SGCZ: variants seen among roughly 807,000 people sequenced by gnomAD.
SGCZ encodes the protein zeta-sarcoglycan.
In SGCZ, 40 loss-of-function variants were observed where a neutral mutation model predicts 41.3. The ratio of observed to expected loss-of-function variants is 0.97; its 90% CI spans 0.75 to 1.26. SGCZ has a LOEUF of 1.26. Ranked by LOEUF, SGCZ falls within the 50% of genes most tolerant of loss-of-function variation. SGCZ has a pLI of 0.00. For synonymous variants in SGCZ, 206 were observed against 137.5 expected (o/e 1.50, Z -3.49); for missense variants, 552 against 369.8 (o/e 1.49, Z -4.04).
chr8:14,620,075 C>T (rs1231436052), intron 1 of SGCZ, among the ~76,000 whole-genome samples: 2 of 152,296 alleles, frequency 1.3e-5, no homozygotes, highest in Non-Finnish European at 2.9e-5. Flanking sequence ...CAGCATGGTA[C>T]TGGTACCAAA....
At chr8:14,488,392 T>G (rs1461871) in intron 2 of SGCZ, among the ~76,000 whole-genome samples, 33,986 of 143,008 alleles carry the variant, frequency 0.24, 3,848 homozygotes, top group Admixed American at 0.29. Context: ...ACAATGGCCT[T>G]AACTCCCCTC....
chr8:14,743,064 C>T (rs914446481), intron 1 of SGCZ, among the ~76,000 whole-genome samples: 3 of 151,920 alleles, frequency 2.0e-5, no homozygotes, highest in Non-Finnish European at 4.4e-5. Flanking sequence ...TAAAAGACTG[C>T]GTGGATTTTC....
intron 1 of SGCZ, among the ~76,000 whole-genome samples, chr8:14,700,000 G>T (rs1365935307): frequency 6.6e-6 from 1 of 151,936 alleles, no homozygotes. Context: ...TTATAACATT[G>T]TTGGCAGAAA....
In SGCZ at chr8:14,291,606, A is replaced by C. The variant is rs903195780; in HGVS notation, c.336+32497T>G. Among the ~76,000 whole-genome samples, 3 of 152,140 alleles carry C rather than the reference A, an allele frequency of 2.0e-5. No homozygotes were observed. In the East Asian group the frequency reaches 5.8e-4, roughly 29 times the overall value. On this transcript the variant is annotated intron_variant, in intron 3 of 7. Transcript: ENST00000382080. ...CATTCTGGGTACTAGTTGTTTTACT[A>C]ATAAATTACATTAATATGTATTTTA... is the stretch of plus-strand genomic sequence containing the variant.
chr8:14,412,679 C>T (rs1435100995), intron 2 of SGCZ, among the ~76,000 whole-genome samples: 2 of 152,076 alleles, frequency 1.3e-5, no homozygotes, highest in East Asian at 3.9e-4. Context: ...GGAATTACAA[C>T]CAACCATGGT....
intron 1 of SGCZ, among the ~76,000 whole-genome samples, chr8:15,156,746 C>A (rs1046728584): frequency 6.6e-6 from 1 of 151,908 alleles, no homozygotes; most frequent in South Asian, 2.1e-4. Flanking sequence ...GAGTTCAAGA[C>A]CAGCCTGGCC....
intron 1 of SGCZ, among the ~76,000 whole-genome samples, chr8:15,144,809 G>T (rs900627211): frequency 6.6e-6 from 1 of 152,184 alleles, no homozygotes; most frequent in Non-Finnish European, 1.5e-5. Context: ...GCAGGGAAAA[G>T]CAGCAGTGCT....
chr8:14,723,324 C>G (rs1250616254), intron 1 of SGCZ, among the ~76,000 whole-genome samples: 1 of 152,140 alleles, frequency 6.6e-6, no homozygotes, highest in Non-Finnish European at 1.5e-5. Flanking sequence ...TGTTCCTGGC[C>G]CTGAAAAGCT....
chr8:14,780,659 C>A (rs1800561808), intron 1 of SGCZ, among the ~76,000 whole-genome samples: 1 of 151,996 alleles, frequency 6.6e-6, no homozygotes, highest in Non-Finnish European at 1.5e-5. Context: ...GATCATAAAA[C>A]CTCAACTAAA....
At chr8:14,395,699 A>G (rs547216567) in intron 2 of SGCZ, among the ~76,000 whole-genome samples, 1 of 152,282 alleles carries the variant, frequency 6.6e-6, no homozygotes, top group Non-Finnish European at 1.5e-5. Flanking sequence ...AAACTTCCTC[A>G]CATAACCTAG....
intron 2 of SGCZ, among the ~76,000 whole-genome samples, chr8:14,385,805 C>G (rs78305602): frequency 0.015 from 2,237 of 152,194 alleles, 57 homozygotes; most frequent in African/African-American, 0.05. Flanking sequence ...AATAACAAAT[C>G]GAATACACTC....
At chr8:14,399,378 A>G (rs1472061547) in intron 2 of SGCZ, among the ~76,000 whole-genome samples, 1 of 152,128 alleles carries the variant, frequency 6.6e-6, no homozygotes, top group Non-Finnish European at 1.5e-5. Flanking sequence ...TTGCTCTTCA[A>G]TAGTGCCTGC....
intron 1 of SGCZ, among the ~76,000 whole-genome samples, chr8:14,679,123 C>T (rs1054579246): frequency 3.3e-5 from 5 of 152,044 alleles, no homozygotes; most frequent in Admixed American, 6.6e-5. Context: ...AGGTATAAAC[C>T]GACCTACTGC....
chr8:14,346,203 G>C (rs1168652312), intron 2 of SGCZ, among the ~76,000 whole-genome samples: 1 of 151,974 alleles, frequency 6.6e-6, no homozygotes, highest in Non-Finnish European at 1.5e-5. Flanking sequence ...GTTGTGGAGT[G>C]AGTTGATATA....
Position 14,647,997 on chromosome 8 carries a change from A to G in SGCZ, c.40-93071T>C, listed in dbSNP as rs574856303. Among the ~76,000 whole-genome samples the G allele has an allele frequency of 1.5e-3, 222 of 152,094 alleles. 1 individual carries two copies. The highest frequency in any genetic ancestry group is 2.1e-3 in the Non-Finnish European group (140 of 67,980). On this transcript the variant is annotated intron_variant, in intron 1 of 7. Coordinates refer to ENST00000382080, the MANE Select transcript of SGCZ (RefSeq NM_139167.4). ...GAAGCACACCTGGAGTGGATTCTGC[A>G]AAGAGGAGCCCTCATTTCCCAGAGG...
At position 14,554,728 on chromosome 8, in the gene SGCZ, T is replaced by C. The variant is rs1454012034; in HGVS notation, c.234+4A>G. The C allele has an allele frequency of 6.2e-7, 1 of 1,610,628 alleles. No individual in the cohort carries two copies. Among genetic ancestry groups the C allele is most frequent in the Non-Finnish European group, 8.5e-7 (1 of 1,177,764 alleles). On this transcript the variant is annotated splice_donor_region_variant and intron_variant, in intron 2 of 7. Transcript: ENST00000382080. ...ATAAGATGTAAAATCATAGTGGTAC[T>C]TACCACAGTGAAATTCATAACTTTC...
intron 1 of SGCZ, among the ~76,000 whole-genome samples, chr8:14,943,074 C>T (rs913517015): frequency 6.6e-6 from 1 of 152,126 alleles, no homozygotes; most frequent in Non-Finnish European, 1.5e-5. Flanking sequence ...ATAATGCAGT[C>T]ATACTTCACT....
chr8:14,323,907 C>G (rs910696590), intron 3 of SGCZ, among the ~76,000 whole-genome samples, 196 bp downstream of exon 3: 3 of 152,018 alleles, frequency 2.0e-5, no homozygotes, highest in African/African-American at 7.2e-5. Flanking sequence ...CAAAATGGTT[C>G]TCTAAGATTT....
intron 4 of SGCZ, among the ~76,000 whole-genome samples, chr8:14,177,323 A>G (rs890131716): frequency 6.6e-6 from 1 of 152,238 alleles, no homozygotes; most frequent in Non-Finnish European, 1.5e-5. Context: ...AAACTCCTGC[A>G]AAAGACTGAA....
Sources: allele counts gnomAD v4.1 joint callset (sites outside exome capture counted in the v4.1 genomes callset), GRCh38; gene constraint gnomAD v4.1.1; transcripts MANE v1.5; gene names NCBI Gene and HGNC (gene_info 2026-07-23, HGNC 2026-07-21).